Variants in PIBF1 observed in about 807,000 individuals in gnomAD.
PIBF1 encodes the protein progesterone-induced-blocking factor 1.
In PIBF1, 90 loss-of-function variants were observed where a neutral mutation model predicts 112.5. The observed-to-expected ratio is 0.80, with a 90% confidence interval of 0.67 to 0.95. PIBF1 has a LOEUF of 0.95. Among genes scored for constraint, PIBF1 ranks in the 40% least tolerant of loss-of-function variants. PIBF1 has a pLI of 0.00. For synonymous variants in PIBF1, 301 were observed against 288.6 expected, an observed-to-expected ratio of 1.04 and a Z score of -0.44; for missense variants, 915 against 852.3, an observed-to-expected ratio of 1.07 and a Z score of -0.92.
intron 9 of PIBF1, among the ~76,000 whole-genome samples, chr13:72,843,697 C>G (rs2037711453): frequency 6.6e-6 from 1 of 152,170 alleles, no homozygotes; most frequent in Admixed American, 6.5e-5. Flanking sequence ...CAGGCATGAG[C>G]CACCGCGCCT....
At chr13:72,949,841 G>A (rs2042251674) in intron 14 of PIBF1, among the ~76,000 whole-genome samples, 1 of 151,848 alleles carries the variant, frequency 6.6e-6, no homozygotes, top group Non-Finnish European at 1.5e-5. Context: ...ACACTCATTT[G>A]GATAAATGTG....
At chr13:72,828,060 T>C (rs911517350) in intron 8 of PIBF1, 146 bp downstream of exon 8, 8 of 358,726 alleles carry the variant, frequency 2.2e-5, no homozygotes, top group South Asian at 1.4e-4. Context: ...TTTATTTTAT[T>C]TTATTTTATT....
rs71099771 is a variant in PIBF1 at position 72,949,300 on chromosome 13, C to CTTTTTTTTTTTTTTTT, written c.1834-15956_1834-15941dup. Among the ~76,000 whole-genome samples the CTTTTTTTTTTTTTTTT allele has an allele frequency of 1.8e-4, 10 of 54,952 alleles. 2 individuals are homozygous for CTTTTTTTTTTTTTTTT. The highest frequency in any genetic ancestry group is 2.8e-4 in the Non-Finnish European group (9 of 31,600). The allele number at this position is 54,952 out of a possible 152,430, so 36.1% of individuals were successfully genotyped here. On this transcript the variant is annotated intron_variant, in intron 14 of 17. Coordinates refer to ENST00000326291, the MANE Select transcript of PIBF1 (RefSeq NM_006346.4). ...AACTACTACCTAGACAAATAGCTGT[C>CTTTTTTTTTTTTTTTT]TTTTTTTTTTTTTTTTTTTTTTTTT...
intron 9 of PIBF1, among the ~76,000 whole-genome samples, chr13:72,852,196 C>T (rs1594052086): frequency 6.6e-6 from 1 of 152,004 alleles, no homozygotes; most frequent in East Asian, 1.9e-4. Flanking sequence ...TTGCTGCAGC[C>T]CTTTGGGGAG....
chr13:72,809,578 GTTTTTTTTTGGTT>G (rs767432033), intron 5 of PIBF1, among the ~76,000 whole-genome samples: 30 of 138,484 alleles, frequency 2.2e-4, no homozygotes, highest in Admixed American at 2.9e-4. Context: ...TTAATAGAAG[GTTTTTTTTTGGTT>G]TTTTTTTTTT....
chr13:72,803,429 C>T (rs1446349489), intron 5 of PIBF1, among the ~76,000 whole-genome samples: 1 of 151,972 alleles, frequency 6.6e-6, no homozygotes, highest in African/African-American at 2.4e-5. Flanking sequence ...GTTTAAGGCT[C>T]CCCACTTTAG....
At chr13:72,913,400 A>G (rs2040964821) in intron 12 of PIBF1, among the ~76,000 whole-genome samples, 1 of 152,178 alleles carries the variant, frequency 6.6e-6, no homozygotes, top group South Asian at 2.1e-4. Context: ...AATGTCCACA[A>G]CTTTCTTTGA....
At chr13:72,991,174 T>G (rs1026844558) in intron 16 of PIBF1, among the ~76,000 whole-genome samples, 15 of 152,218 alleles carry the variant, frequency 9.9e-5, no homozygotes, top group Non-Finnish European at 1.6e-4. Context: ...CTGAGCTGTT[T>G]TAATATGCCA....
At chr13:72,878,044 C>T (rs979202809) in intron 10 of PIBF1, among the ~76,000 whole-genome samples, 13 of 152,136 alleles carry the variant, frequency 8.5e-5, no homozygotes, top group South Asian at 6.2e-4. Context: ...TCACCATGCC[C>T]GGCCTTCATT....
intron 14 of PIBF1, among the ~76,000 whole-genome samples, chr13:72,946,747 A>T (rs1400052363): frequency 6.6e-6 from 1 of 152,212 alleles, no homozygotes; most frequent in Non-Finnish European, 1.5e-5. Context: ...GTCAAATCTT[A>T]AAGCTCCGAA....
intron 16 of PIBF1, among the ~76,000 whole-genome samples, chr13:72,995,233 A>G (rs2139015497): frequency 6.7e-6 from 1 of 150,158 alleles, no homozygotes; most frequent in South Asian, 2.1e-4. Flanking sequence ...CCTGGGAGGC[A>G]GAGGTTGCAG....
At chr13:73,013,117 C>T (rs541025752) in intron 17 of PIBF1, among the ~76,000 whole-genome samples, 13 of 150,778 alleles carry the variant, frequency 8.6e-5, no homozygotes, top group Admixed American at 5.3e-4. Context: ...CTGGCTAACA[C>T]GGTGAAACCC....
At chr13:72,899,273 A>G (rs539226231) in intron 11 of PIBF1, among the ~76,000 whole-genome samples, 1 of 152,308 alleles carries the variant, frequency 6.6e-6, no homozygotes, top group Admixed American at 6.5e-5. Context: ...AATTCATTCT[A>G]TAAAGCCAGC....
chr13:72,782,864 A>G lies in PIBF1; in HGVS notation c.-48+515A>G, dbSNP rs2034356470. ...TGACATTTAAGGCCTTCCAGTCTTG[A>G]TCGTTAAGGGCGTGTGTGTGTGTGT... On this transcript the variant is annotated intron_variant, in intron 1 of 17. Transcript: ENST00000326291. Among the ~76,000 whole-genome samples the G allele has an allele frequency of 2.1e-5, 3 of 145,588 alleles. No homozygotes were observed. The South Asian group carries it at 6.8e-4, about 33-fold the overall frequency.
chr13:72,930,291 C>G (rs2041659696), intron 13 of PIBF1, among the ~76,000 whole-genome samples: 1 of 152,112 alleles, frequency 6.6e-6, no homozygotes, highest in Non-Finnish European at 1.5e-5. Flanking sequence ...CATTATAAAA[C>G]ATTCCATCTA....
chr13:72,860,522 T>C (rs558388276), intron 10 of PIBF1, among the ~76,000 whole-genome samples: 4 of 152,316 alleles, frequency 2.6e-5, no homozygotes, highest in South Asian at 4.1e-4. Flanking sequence ...TATTCAAATA[T>C]GTGATTCTGG....
intron 2 of PIBF1, among the ~76,000 whole-genome samples, chr13:72,785,120 C>T (rs1490375372): frequency 1.3e-5 from 2 of 152,080 alleles, no homozygotes; most frequent in African/African-American, 4.8e-5. Context: ...CCAAAGGCCC[C>T]AACTTCCTGC....
rs1426282364 is a variant in PIBF1, at chr13:72,783,442, A to T, written c.-28A>T. 6.9e-7 allele frequency: 1 copy of T among 1,449,034 alleles called. No homozygotes were observed. Among genetic ancestry groups the T allele is most frequent in the African/African-American group, 1.4e-5 (1 of 70,190 alleles). The allele number at this position is 1,449,034 out of a possible 1,614,324, so 89.8% of individuals were successfully genotyped here. A position where few individuals can be genotyped will look rare whatever the true frequency, so the allele number is the denominator to read the frequency against. ...CTACAGAATATTAAAATCAAATTAG[A>T]GAAGAAAACTGATCCATAATAATAA... On this transcript the variant is annotated 5_prime_UTR_variant, in exon 2 of 18. Transcript: ENST00000326291.
chr13:72,811,956 T>A (rs796254472), intron 5 of PIBF1, among the ~76,000 whole-genome samples: 24 of 152,342 alleles, frequency 1.6e-4, no homozygotes, highest in African/African-American at 5.8e-4. Context: ...AGAGACATAA[T>A]CTTTTAAAGA....
Sources: gnomAD v4.1 joint callset for allele counts (sites outside exome capture counted in the v4.1 genomes callset) on GRCh38, gnomAD v4.1.1 for gene constraint, MANE v1.5 for transcripts, NCBI Gene and HGNC (gene_info 2026-07-23, HGNC 2026-07-21) for gene names.